Variants in ST6GAL1 observed in about 807,000 individuals in gnomAD.
The protein encoded by ST6GAL1 is ST6 beta-galactoside alpha-2,6-sialyltransferase 1.
A neutral mutation model predicts 38.0 loss-of-function variants in ST6GAL1; 20 were observed. The observed-to-expected ratio is 0.53, with a 90% CI of 0.37 to 0.77. The LOEUF is 0.77. Ranked by LOEUF, ST6GAL1 falls within the 30% of genes least tolerant of loss-of-function variation. The probability of loss-of-function intolerance (pLI) is 0.00; values close to 1 mark genes in which losing one functional copy is unlikely to be tolerated. For synonymous variants in ST6GAL1, 196 were observed against 188.2 expected (o/e 1.04, Z -0.34); for missense variants, 432 against 496.4 (o/e 0.87, Z 1.23).
chr3:186,979,453 A>G (rs1715621771), intron 2 of ST6GAL1, among the ~76,000 whole-genome samples: 1 of 152,100 alleles, frequency 6.6e-6, no homozygotes. Context: ...TCTGCTTCCC[A>G]AGAGAGGAAC....
intron 1 of ST6GAL1, among the ~76,000 whole-genome samples, chr3:186,933,933 A>G (rs1713849284): frequency 6.6e-6 from 1 of 152,238 alleles, no homozygotes. Flanking sequence ...TCTGGGGATC[A>G]GCTTTCTTTA....
intron 4 of ST6GAL1, among the ~76,000 whole-genome samples, chr3:187,045,941 G>A (rs1345031566): frequency 6.6e-6 from 1 of 152,172 alleles, no homozygotes; most frequent in African/African-American, 2.4e-5. Context: ...GATGGGTGAG[G>A]AACGAGGCCA....
intron 2 of ST6GAL1, among the ~76,000 whole-genome samples, chr3:186,976,529 A>C (rs1164896342): frequency 4.6e-5 from 7 of 152,074 alleles, no homozygotes. Context: ...TCCCGGGTTC[A>C]AGCGCTTCTC....
intron 1 of ST6GAL1, among the ~76,000 whole-genome samples, chr3:186,945,305 CTATT>C (rs1490963607): frequency 7.0e-6 from 1 of 143,686 alleles, no homozygotes; most frequent in Non-Finnish European, 1.5e-5. Context: ...GACCCTGTCT[CTATT>C]TAAAAAAAAA....
chr3:186,972,617 C>T (rs113378188), intron 2 of ST6GAL1, among the ~76,000 whole-genome samples: 2,086 of 152,134 alleles, frequency 0.014, 44 homozygotes, highest in African/African-American at 0.046. Flanking sequence ...ACACACATGA[C>T]GCCACATAAC....
At position 187,054,834 on chromosome 3, in the gene ST6GAL1, C is replaced by A. The variant is rs963491972; in HGVS notation, c.705+3488C>A. ...TCATAAAATGAATTAGGGAGGATTC[C>A]CTCTTTTTGTATTGATTGGAATAGT... On this transcript the variant is annotated intron_variant, in intron 5 of 7. Coordinates refer to ENST00000169298, the MANE Select transcript of ST6GAL1 (RefSeq NM_173216.2). Among the ~76,000 whole-genome samples, 5 of 152,134 alleles carry A rather than the reference C, an allele frequency of 3.3e-5. No individual in the cohort carries two copies. The South Asian group carries it at 6.3e-4, about 19-fold the overall frequency.
chr3:186,952,350 T>G lies in ST6GAL1; in HGVS notation c.-324-11435T>G, dbSNP rs1714605648. On this transcript the variant is annotated intron_variant, in intron 1 of 7. Coordinates refer to ENST00000169298, the MANE Select transcript of ST6GAL1 (RefSeq NM_173216.2). This position sits in a 1 kb window ranked among gnomAD's most constrained non-coding sequence, Gnocchi z 4.1. ...GTCAGATCTCAGTCCCTATCTTGAC[T>G]GATCAGCAACTTTTGATACAATTGA... Among the ~76,000 whole-genome samples the G allele has an allele frequency of 6.6e-6, 1 of 152,208 alleles. No individual in the cohort carries two copies. The highest frequency in any genetic ancestry group is 1.5e-5 in the Non-Finnish European group (1 of 68,046).
intron 5 of ST6GAL1, chr3:187,064,662 T>G (rs1719034888): frequency 2.2e-6 from 1 of 455,416 alleles, no homozygotes; most frequent in African/African-American, 2.0e-5. Flanking sequence ...ACACTAAGTA[T>G]CTGGCTGTTC....
chr3:187,005,339 G>C (rs981087186), intron 2 of ST6GAL1, among the ~76,000 whole-genome samples: 1 of 139,912 alleles, frequency 7.1e-6, no homozygotes, highest in Non-Finnish European at 1.5e-5. Flanking sequence ...GCAGTGGCGC[G>C]ATCTCGGCTC....
At chr3:187,037,918 T>G (rs1306713578) in intron 2 of ST6GAL1, among the ~76,000 whole-genome samples, 15 of 152,018 alleles carry the variant, frequency 9.9e-5, no homozygotes, top group Admixed American at 9.2e-4. Flanking sequence ...CTTTTTCACG[T>G]TTTTTTAAAT....
chr3:186,970,690 A>C (rs1260395941), intron 2 of ST6GAL1, among the ~76,000 whole-genome samples: 2 of 152,146 alleles, frequency 1.3e-5, no homozygotes, highest in Non-Finnish European at 2.9e-5. Context: ...TGCACTCATC[A>C]TAATGCCCTT....
At position 186,984,753 on chromosome 3, in the gene ST6GAL1, TC is replaced by T. The variant is rs1560150884; in HGVS notation, c.-183+20830del. On this transcript the variant is annotated intron_variant, in intron 2 of 7. Coordinates refer to ENST00000169298, the MANE Select transcript of ST6GAL1 (RefSeq NM_173216.2). ...TTCCTTCCTTCCTTCCCTCCCTCCC[TC>T]CCTCCCTCCCTCCTTCCTTCCTTCC... 2.4e-4 allele frequency among the ~76,000 whole-genome samples: 8 copies of T among 33,742 alleles called. No homozygotes were observed. In the East Asian group the frequency reaches 4.3e-3, roughly 18 times the overall value. 22.1% of individuals were successfully genotyped at this position (33,742 alleles called of 152,430 possible). A position where few individuals can be genotyped will look rare whatever the true frequency, so the allele number is the denominator to read the frequency against.
chr3:186,994,856 G>A (rs531783246), intron 2 of ST6GAL1, among the ~76,000 whole-genome samples: 13 of 151,668 alleles, frequency 8.6e-5, no homozygotes, highest in Non-Finnish European at 1.8e-4. Flanking sequence ...CAGGGGAATC[G>A]CTTGAACCCA....
At position 187,051,262 on chromosome 3, in the gene ST6GAL1, A is replaced by C; in HGVS notation, c.621A>C (p.Ala207=). ...QLGREIDDHD[A]VLRFNGAPTA... is the part of the protein sequence containing the mutation. Reference sequence around the variant, plus strand: ...TGTGGTTTATAGATGATCATGACGCAGTCCTGAGGTTTAATGGGGCACCCA... The same window carrying C: ...TGTGGTTTATAGATGATCATGACGCCGTCCTGAGGTTTAATGGGGCACCCA... Residue 207 remains alanine, a synonymous_variant, in exon 5 of 8, where the codon GCA becomes GCC. Transcript: ENST00000169298. 4 of 1,613,838 alleles carry C rather than the reference A, an allele frequency of 2.5e-6. No homozygotes were observed. The highest frequency in any genetic ancestry group is 2.5e-6 in the Non-Finnish European group (3 of 1,179,942).
chr3:187,031,529 G>A (rs1472067131), intron 2 of ST6GAL1, among the ~76,000 whole-genome samples: 1 of 150,838 alleles, frequency 6.6e-6, no homozygotes, highest in African/African-American at 2.4e-5. Flanking sequence ...TCCACCTCCC[G>A]GGTTCAAGTG....
At chr3:186,992,521 C>A (rs1443744550) in intron 2 of ST6GAL1, among the ~76,000 whole-genome samples, 1 of 152,104 alleles carries the variant, frequency 6.6e-6, no homozygotes, top group African/African-American at 2.4e-5. Context: ...TGGCCGGGCG[C>A]GGTGGCTCCC....
intron 2 of ST6GAL1, among the ~76,000 whole-genome samples, chr3:186,993,891 GATGATAATGA>G (rs1716268905): frequency 6.6e-6 from 1 of 152,062 alleles, no homozygotes. Context: ...TTATAACAAT[GATGATAATGA>G]TAATAATCAT....
chr3:187,011,265 C>T (rs1716948486), intron 2 of ST6GAL1, among the ~76,000 whole-genome samples: 1 of 152,204 alleles, frequency 6.6e-6, no homozygotes, highest in Non-Finnish European at 1.5e-5. Flanking sequence ...TCCCAAAGTG[C>T]TGGGATTACA....
chr3:187,064,603 C>T (rs771695221), intron 5 of ST6GAL1: 1 of 456,734 alleles, frequency 2.2e-6, no homozygotes, highest in Admixed American at 2.3e-5. Flanking sequence ...AGAGCCTTTC[C>T]TGCTGCTTCT....
Sources: allele counts gnomAD v4.1 joint callset (sites outside exome capture counted in the v4.1 genomes callset), GRCh38; gene constraint gnomAD v4.1.1; non-coding constraint Gnocchi (gnomAD v3.1); transcripts MANE v1.5; gene names NCBI Gene and HGNC (gene_info 2026-07-23, HGNC 2026-07-21).